SH3PXD2B: variants seen among roughly 807,000 people sequenced by gnomAD.
SH3PXD2B encodes SH3 and PX domain-containing protein 2B.
SH3PXD2B carries 37 observed loss-of-function variants against 73.1 expected under a neutral mutation model. That is an observed-to-expected ratio of 0.51 (90% CI 0.39 to 0.67). SH3PXD2B has a LOEUF of 0.67. Among genes scored for constraint, SH3PXD2B ranks in the 30% least tolerant of loss-of-function variants. SH3PXD2B has a pLI of 0.00. For synonymous variants in SH3PXD2B, 457 were observed against 480.5 expected, an observed-to-expected ratio of 0.95 and a Z score of 0.64; for missense variants, 1,053 against 1,197.8, an observed-to-expected ratio of 0.88 and a Z score of 1.78.
At chr5:172,426,275 G>A (rs1278498701) in intron 1 of SH3PXD2B, among the ~76,000 whole-genome samples, 1 of 152,186 alleles carries the variant, frequency 6.6e-6, no homozygotes, top group Non-Finnish European at 1.5e-5. Flanking sequence ...GTAGGGCTTT[G>A]TCCCCGTCCT....
chr5:172,416,710 T>C, intron 2 of SH3PXD2B, among the ~76,000 whole-genome samples: 1 of 50,478 alleles, frequency 2.0e-5, no homozygotes, highest in Non-Finnish European at 3.8e-5. Flanking sequence ...TTTTTTTTTT[T>C]TTTTTTTTTT....
chr5:172,347,140 T>G, intron 11 of SH3PXD2B, 143 bp downstream of exon 11: 1 of 841,100 alleles, frequency 1.2e-6, no homozygotes, highest in Non-Finnish European at 1.9e-6. Context: ...GGGACTAGCA[T>G]TTCTACAGCC....
At chr5:172,396,394 T>C (rs933949103) in intron 3 of SH3PXD2B, among the ~76,000 whole-genome samples, 1 of 150,858 alleles carries the variant, frequency 6.6e-6, no homozygotes, top group African/African-American at 2.4e-5. Context: ...AAAAAGAGGC[T>C]AGTATAGTAA....
In SH3PXD2B at chr5:172,447,539, C is replaced by A. The variant is rs114579974; in HGVS notation, c.75+6739G>T. On this transcript the variant is annotated intron_variant, in intron 1 of 12. Coordinates refer to ENST00000311601, the MANE Select transcript of SH3PXD2B (RefSeq NM_001017995.3). Reference sequence around the variant, plus strand: ...TCAATTACATGCTAGGCCCCTTTAACTCTCACATTAGCCCTATGAAATTGG... The same window carrying A: ...TCAATTACATGCTAGGCCCCTTTAAATCTCACATTAGCCCTATGAAATTGG... 6.7e-3 allele frequency among the ~76,000 whole-genome samples: 1,024 copies of A among 152,328 alleles called. 8 individuals are homozygous for A. Among genetic ancestry groups the A allele is most frequent in the African/African-American group, 0.022 (929 of 41,562 alleles).
chr5:172,413,726 GA>G (rs1171394884), intron 2 of SH3PXD2B, among the ~76,000 whole-genome samples: 1 of 152,174 alleles, frequency 6.6e-6, no homozygotes, highest in Non-Finnish European at 1.5e-5. Context: ...TAACTGTGTG[GA>G]AAAAGGCAAC....
chr5:172,432,754 A>C (rs1759278234), intron 1 of SH3PXD2B, among the ~76,000 whole-genome samples: 1 of 152,028 alleles, frequency 6.6e-6, no homozygotes, highest in Non-Finnish European at 1.5e-5. Flanking sequence ...TCTACTAATA[A>C]TACAAAAATT....
chr5:172,364,579 C>T (rs1228673808), intron 6 of SH3PXD2B, among the ~76,000 whole-genome samples: 2 of 152,144 alleles, frequency 1.3e-5, no homozygotes, highest in Middle Eastern at 3.2e-3. Flanking sequence ...CCATGAGAAT[C>T]GCTTGAACCC....
chr5:172,378,734 G>A (rs1486372831), intron 5 of SH3PXD2B, among the ~76,000 whole-genome samples: 2 of 152,162 alleles, frequency 1.3e-5, no homozygotes, highest in African/African-American at 4.8e-5. Context: ...AGGAGACTGA[G>A]GCAAGGGGCA....
chr5:172,444,809 G>A (rs921735204), intron 1 of SH3PXD2B, among the ~76,000 whole-genome samples: 13 of 152,040 alleles, frequency 8.6e-5, no homozygotes, highest in Non-Finnish European at 5.9e-5. Context: ...AGCTCCTCCC[G>A]CTACTCCAGT....
Position 172,353,824 on chromosome 5 carries a change from A to G in SH3PXD2B, c.785+64T>C. 2.1e-5 allele frequency: 27 copies of G among 1,312,704 alleles called. No homozygotes were observed. Among genetic ancestry groups the G allele is most frequent in the Non-Finnish European group, 3.0e-5 (27 of 906,800 alleles). The allele number at this position is 1,312,704 out of a possible 1,614,324, so 81.3% of individuals were successfully genotyped here. A position where few individuals can be genotyped will look rare whatever the true frequency, so the allele number is the denominator to read the frequency against. On this transcript the variant is annotated intron_variant, in intron 9 of 12. Transcript: ENST00000311601. The surrounding 1 kb of genome is among the most constrained non-coding windows in gnomAD (Gnocchi z 4.3). Reference sequence around the variant, plus strand: ...CCTCTGTGAGGCCAGAGTCCCTGTGACCCCAAACCCACCCAGCGTGACCCC... The same window carrying G: ...CCTCTGTGAGGCCAGAGTCCCTGTGGCCCCAAACCCACCCAGCGTGACCCC...
intron 1 of SH3PXD2B, among the ~76,000 whole-genome samples, chr5:172,448,604 G>C (rs2113520231): frequency 6.6e-6 from 1 of 152,350 alleles, no homozygotes; most frequent in African/African-American, 2.4e-5. Flanking sequence ...TCATCATGAA[G>C]GTAACGGTGG....
At chr5:172,453,843 TG>T (rs1221385650) in intron 1 of SH3PXD2B, among the ~76,000 whole-genome samples, 1 of 152,046 alleles carries the variant, frequency 6.6e-6, no homozygotes, top group Non-Finnish European at 1.5e-5. Context: ...TACCTGTGGC[TG>T]GGGACTGCGG....
At chr5:172,328,303 A>G (rs1470730410) in intron 12 of SH3PXD2B, among the ~76,000 whole-genome samples, 3 of 151,270 alleles carry the variant, frequency 2.0e-5, no homozygotes, top group Non-Finnish European at 1.5e-5. Context: ...ACGGGGTTTC[A>G]CTATATTGGC....
At chr5:172,325,316 G>C (rs1055831924) in exon 13 of SH3PXD2B, 11 of 1,535,540 alleles carry the variant, frequency 7.2e-6, no homozygotes, top group Non-Finnish European at 9.6e-6. Flanking sequence ...CCCAAGTGCT[G>C]TCCGCATCTT....
chr5:172,422,317 G>T, intron 2 of SH3PXD2B, 99 bp downstream of exon 2: 1 of 1,169,768 alleles, frequency 8.5e-7, no homozygotes, highest in Non-Finnish European at 1.2e-6. Context: ...TTTAAGTCTG[G>T]GAAATTAAAA....
At chr5:172,420,929 A>T (rs1157647948) in intron 2 of SH3PXD2B, among the ~76,000 whole-genome samples, 4 of 152,036 alleles carry the variant, frequency 2.6e-5, no homozygotes, top group African/African-American at 4.8e-5. Context: ...CACCAAAAAA[A>T]CCCTGGATTA....
intron 3 of SH3PXD2B, among the ~76,000 whole-genome samples, chr5:172,405,088 G>A (rs1037819843): frequency 6.6e-6 from 1 of 152,224 alleles, no homozygotes. Flanking sequence ...ACACTGGTTT[G>A]GGTAACCCCT....
At chr5:172,437,745 T>C (rs898870143) in intron 1 of SH3PXD2B, among the ~76,000 whole-genome samples, 1 of 152,240 alleles carries the variant, frequency 6.6e-6, no homozygotes, top group Non-Finnish European at 1.5e-5. Context: ...TGTGGTGTCT[T>C]GCGTCAGATG....
At position 172,421,999 on chromosome 5, in the gene SH3PXD2B, A is replaced by ATT. The variant is rs113159124; in HGVS notation, c.156+415_156+416dup. 0.45 allele frequency among the ~76,000 whole-genome samples: 66,305 copies of ATT among 147,962 alleles called. 15,335 individuals are homozygous for ATT. Among genetic ancestry groups the ATT allele is most frequent in the East Asian group, 0.7 (3,500 of 5,018 alleles). ...TTGTGTCTCAAAAGTAATGGATGTC[A>ATT]TTTTTTTTTTTTGAGATGGAGTTTT... On this transcript the variant is annotated intron_variant, in intron 2 of 12. Coordinates refer to ENST00000311601, the MANE Select transcript of SH3PXD2B (RefSeq NM_001017995.3). This position sits in a 1 kb window ranked among gnomAD's most constrained non-coding sequence, Gnocchi z 4.0.
Sources: allele counts gnomAD v4.1 joint callset (sites outside exome capture counted in the v4.1 genomes callset), GRCh38; gene constraint gnomAD v4.1.1; non-coding constraint Gnocchi (gnomAD v3.1); transcripts MANE v1.5; gene names NCBI Gene and HGNC (gene_info 2026-07-23, HGNC 2026-07-21).